RAB14: variants seen among roughly 807,000 people sequenced by gnomAD.
The protein encoded by RAB14 is RAB14, member RAS oncogene family.
RAB14 carries 3 observed loss-of-function variants against 31.1 expected under a neutral mutation model. The observed-to-expected ratio is 0.10, with a 90% CI of 0.04 to 0.25. The LOEUF is 0.25. Among genes scored for constraint, RAB14 ranks in the 10% least tolerant of loss-of-function variants. RAB14 has a pLI of 1.00. For missense variants in RAB14, 111 were observed against 260.1 expected, an observed-to-expected ratio of 0.43 and a Z score of 3.94; for synonymous variants, 85 against 84.9, an observed-to-expected ratio of 1.00 and a Z score of 0.00.
intron 6 of RAB14, 47 bp from the exon 7 acceptor site, chr9:121,183,007 A>C: frequency 3.3e-6 from 5 of 1,537,874 alleles, no homozygotes; most frequent in Non-Finnish European, 4.5e-6. Context: ...AAACTAACTC[A>C]CAAGTGCACT....
chr9:121,181,981 C>T (rs1031903378), intron 7 of RAB14, among the ~76,000 whole-genome samples: 3 of 152,128 alleles, frequency 2.0e-5, no homozygotes, highest in East Asian at 1.9e-4. Flanking sequence ...CTCCTGACCT[C>T]GTGATCCGCC....
chr9:121,199,936 T>TA (rs532478291), intron 1 of RAB14, among the ~76,000 whole-genome samples: 148 of 152,330 alleles, frequency 9.7e-4, no homozygotes, highest in African/African-American at 3.4e-3. Context: ...CAAAAGATAT[T>TA]AAACACCCAC....
In RAB14 at chr9:121,178,690, A is replaced by C. The variant is rs1380741653; in HGVS notation, c.*2706T>G. 1 of 127,360 alleles carries C rather than the reference A, an allele frequency of 7.9e-6. No individual in the cohort carries two copies. Among genetic ancestry groups the C allele is most frequent in the African/African-American group, 4.6e-5 (1 of 21,874 alleles). 7.9% of individuals were successfully genotyped at this position (127,360 alleles called of 1,614,324 possible). Reference sequence around the variant, plus strand: ...TCTATTAACGTGTAAACCACCAACCAAAAAAAAATAATAAGTTACTCCATC... The same window carrying C: ...TCTATTAACGTGTAAACCACCAACCCAAAAAAAATAATAAGTTACTCCATC... On this transcript the variant is annotated 3_prime_UTR_variant, in exon 8 of 8. Transcript: ENST00000373840.
chr9:121,196,286 A>C (rs2053716620), intron 1 of RAB14, among the ~76,000 whole-genome samples: 1 of 152,204 alleles, frequency 6.6e-6, no homozygotes. Context: ...AATCAAGTTC[A>C]TATGTAAGTA....
intron 5 of RAB14, among the ~76,000 whole-genome samples, chr9:121,185,790 T>TTG (rs2053655858): frequency 6.6e-6 from 1 of 152,144 alleles, no homozygotes; most frequent in Non-Finnish European, 1.5e-5. Context: ...TCCGAACTGT[T>TTG]TAACCATTCA....
intron 5 of RAB14, 95 bp downstream of exon 5, chr9:121,186,858 T>A: frequency 2.8e-6 from 2 of 708,702 alleles, no homozygotes; most frequent in Non-Finnish European, 4.4e-6. Context: ...TCATTCTTAG[T>A]ACCTGAAGAC....
At chr9:121,194,090 TCACTCACACACA>T (rs1425843943) in intron 1 of RAB14, among the ~76,000 whole-genome samples, 8 of 141,402 alleles carry the variant, frequency 5.7e-5, no homozygotes, top group African/African-American at 2.3e-4. Context: ...TTGCAGATTA[TCACTCACACACA>T]CACACACACA....
At chr9:121,182,266 A>C (rs2053637597) in intron 7 of RAB14, among the ~76,000 whole-genome samples, 2 of 152,196 alleles carry the variant, frequency 1.3e-5, no homozygotes, top group Admixed American at 6.5e-5. Context: ...TCCAAGAATA[A>C]TATGGTCTGC....
chr9:121,183,271 A>C (rs1422834824), intron 6 of RAB14, 40 bp downstream of exon 6: 2 of 1,510,132 alleles, frequency 1.3e-6, no homozygotes, highest in African/African-American at 2.8e-5. Flanking sequence ...TTCCTTAAAA[A>C]TTCTCCCAAT....
chr9:121,183,519 G>GT, intron 5 of RAB14, 121 bp from the exon 6 acceptor site: 2 of 706,650 alleles, frequency 2.8e-6, no homozygotes, highest in South Asian at 1.7e-5. Flanking sequence ...AGAAAACCAA[G>GT]TACTAGCAAT....
intron 4 of RAB14, among the ~76,000 whole-genome samples, chr9:121,189,430 A>G (rs2053675103): frequency 6.6e-6 from 1 of 152,128 alleles, no homozygotes; most frequent in Non-Finnish European, 1.5e-5. Context: ...GTTTATTAAC[A>G]GTCTTCCCAT....
chr9:121,183,944 A>G (rs1227887809), intron 5 of RAB14, among the ~76,000 whole-genome samples: 2 of 152,312 alleles, frequency 1.3e-5, no homozygotes, highest in South Asian at 2.1e-4. Context: ...GAGAAGATTC[A>G]TGGCTTCCAT....
intron 1 of RAB14, among the ~76,000 whole-genome samples, chr9:121,201,139 A>T (rs1476806314): frequency 6.6e-6 from 1 of 151,876 alleles, no homozygotes; most frequent in Non-Finnish European, 1.5e-5. Context: ...AGACGCCAAG[A>T]GGGCTGCGAA....
intron 4 of RAB14, among the ~76,000 whole-genome samples, chr9:121,188,612 G>A (rs2053670502): frequency 6.6e-6 from 1 of 151,760 alleles, no homozygotes; most frequent in African/African-American, 2.4e-5. Flanking sequence ...AAGCTACGCT[G>A]TCAATTTAGA....
chr9:121,200,329 C>G (rs1031917507), intron 1 of RAB14, among the ~76,000 whole-genome samples: 1 of 152,164 alleles, frequency 6.6e-6, no homozygotes, highest in Non-Finnish European at 1.5e-5. Flanking sequence ...AAATAAAAGG[C>G]AGTTGTTCCT....
chr9:121,189,506 G>A (rs1288731480), intron 4 of RAB14, among the ~76,000 whole-genome samples: 1 of 152,004 alleles, frequency 6.6e-6, no homozygotes, highest in African/African-American at 2.4e-5. Flanking sequence ...GTTTCCCTTT[G>A]AGGCCACCCA....
At chr9:121,196,313 T>C (rs970268575) in intron 1 of RAB14, among the ~76,000 whole-genome samples, 7 of 152,150 alleles carry the variant, frequency 4.6e-5, no homozygotes, top group Non-Finnish European at 1.0e-4. Context: ...CTTTATTGCC[T>C]TTAAAGGAAA....
intron 7 of RAB14, among the ~76,000 whole-genome samples, chr9:121,182,197 GATAACAGAGAGGATACTCCAAACAGAA>G (rs1157792606): frequency 6.6e-6 from 1 of 152,124 alleles, no homozygotes; most frequent in Non-Finnish European, 1.5e-5. Flanking sequence ...TCATTTCTGT[GATAACAGAGAGGATACTCCAAACAGAA>G]ATGAAATCTC....
rs558202896 is a variant in RAB14, at chr9:121,191,588, G to A, written c.106+583C>T. 2.6e-5 allele frequency among the ~76,000 whole-genome samples: 4 copies of A among 152,124 alleles called. No individual in the cohort carries two copies. In the East Asian group the frequency reaches 7.7e-4, roughly 29 times the overall value. On this transcript the variant is annotated intron_variant, in intron 3 of 7. Transcript: ENST00000373840. ...TTTATTAGTCCTTTCCTTATAATGA[G>A]GCCACTTAAAACCTAAACCCACCAT...
Sources: allele counts gnomAD v4.1 joint callset (sites outside exome capture counted in the v4.1 genomes callset), GRCh38; gene constraint gnomAD v4.1.1; transcripts MANE v1.5; gene names NCBI Gene and HGNC (gene_info 2026-07-23, HGNC 2026-07-21).